AMY2B: variants seen among roughly 807,000 people sequenced by gnomAD.
The protein encoded by AMY2B is alpha-amylase 2B.
AMY2B carries 63 observed loss-of-function variants against 59.3 expected under a neutral mutation model. The ratio of observed to expected loss-of-function variants is 1.06; its 90% CI spans 0.87 to 1.31. AMY2B has a LOEUF of 1.31. AMY2B is among the 50% of genes most tolerant of loss of function. AMY2B has a pLI of 0.00. For synonymous variants in AMY2B, 180 were observed against 198.1 expected (o/e 0.91, Z 0.77); for missense variants, 635 against 626.7 (o/e 1.01, Z -0.14).
rs548153600 is a variant in AMY2B at position 103,566,269 on chromosome 1, A to T, written c.-47+675A>T. On this transcript the variant is annotated intron_variant, in intron 2 of 11. Coordinates refer to the AMY2B transcript ENST00000361355. ...TCGTAACCCTCTTAAAACTATGTTC[A>T]TATCTTTCACTTTATTGTTTGTTTT... Among the ~76,000 whole-genome samples the T allele has an allele frequency of 2.0e-5, 3 of 152,298 alleles. No individual in the cohort carries two copies. The East Asian group carries it at 5.8e-4, about 29-fold the overall frequency.
chr1:103,558,912 T>G (rs1032181379), intron 1 of AMY2B, among the ~76,000 whole-genome samples: 4 of 126,076 alleles, frequency 3.2e-5, no homozygotes, highest in East Asian at 1.9e-4. Flanking sequence ...ATGTATTGAG[T>G]TTTTTTCGTC....
chr1:103,555,625 G>T (rs1476875724), intron 1 of AMY2B, among the ~76,000 whole-genome samples: 1 of 152,074 alleles, frequency 6.6e-6, no homozygotes, highest in African/African-American at 2.4e-5. Context: ...ATGAGTTTCA[G>T]CTGTATATAC....
chr1:103,577,412 A>T lies in AMY2B; in HGVS notation c.1102-78A>T, dbSNP rs371273824. Reference sequence around the variant, plus strand: ...AATGCAGAGACACAAGTAACAGGATAGGTTGGGTTTGGTTTAAAGGAGAAG... The same window carrying T: ...AATGCAGAGACACAAGTAACAGGATTGGTTGGGTTTGGTTTAAAGGAGAAG... On this transcript the variant is annotated intron_variant, in intron 7 of 9. Transcript: ENST00000684275. 1.2e-5 allele frequency: 19 copies of T among 1,606,968 alleles called. No individual in the cohort carries two copies. The East Asian group carries it at 1.6e-4, about 13-fold the overall frequency.
chr1:103,575,541 G>GT lies in AMY2B; in HGVS notation c.1101+2dup. 1.2e-6 allele frequency: 2 copies of GT among 1,613,452 alleles called. No homozygotes were observed. Among genetic ancestry groups the GT allele is most frequent in the Non-Finnish European group, 1.7e-6 (2 of 1,179,660 alleles). On this transcript the variant is annotated splice_donor_variant, in intron 7 of 9. Coordinates refer to ENST00000684275, the MANE Select transcript of AMY2B (RefSeq NM_001387437.1). LOFTEE classifies it high-confidence loss of function. Reference sequence around the variant, plus strand: ...GCCAAGACAGTTTCAAAATGGAAACGTAAGTTTTGAAATTGTTCAAACTAT... The same window carrying GT: ...GCCAAGACAGTTTCAAAATGGAAACGTTAAGTTTTGAAATTGTTCAAACTAT...
chr1:103,562,421 C>G (rs1463262224), intron 1 of AMY2B, among the ~76,000 whole-genome samples: 1 of 152,038 alleles, frequency 6.6e-6, no homozygotes, highest in African/African-American at 2.4e-5. Context: ...AAAAGAAAAA[C>G]AGAAAACTGT....
At chr1:103,564,568 T>C (rs1651846653) in intron 1 of AMY2B, among the ~76,000 whole-genome samples, 2 of 152,178 alleles carry the variant, frequency 1.3e-5, no homozygotes, top group Admixed American at 1.3e-4. Context: ...TTATAAAGCT[T>C]GGTGACTTCA....
upstream of AMY2B, chr1:103,570,023 G>T: frequency 2.3e-6 from 1 of 435,378 alleles, no homozygotes; most frequent in South Asian, 2.0e-5. Context: ...TTTGGAGATG[G>T]GGTCACCCAC....
chr1:103,559,165 C>A (rs983822010), intron 1 of AMY2B, among the ~76,000 whole-genome samples: 31 of 152,134 alleles, frequency 2.0e-4, no homozygotes, highest in African/African-American at 7.0e-4. Flanking sequence ...AAACCTTTTG[C>A]ATGGTGAATA....
intron 1 of AMY2B, among the ~76,000 whole-genome samples, chr1:103,557,432 A>G (rs958993930): frequency 6.6e-6 from 1 of 152,052 alleles, no homozygotes; most frequent in African/African-American, 2.4e-5. Flanking sequence ...AGGTGGATCA[A>G]CGTGAGGTCA....
At chr1:103,578,129 C>T (rs554070476) in intron 9 of AMY2B, among the ~76,000 whole-genome samples, 2 of 152,158 alleles carry the variant, frequency 1.3e-5, no homozygotes, top group African/African-American at 4.8e-5. Flanking sequence ...CCTACACATG[C>T]CACAAAATAC....
Position 103,575,506 on chromosome 1 carries a change from G to A in AMY2B, c.1067G>A (p.Ser356Asn). The A allele has an allele frequency of 2.5e-6, 4 of 1,613,758 alleles. No individual in the cohort carries two copies. Among genetic ancestry groups the A allele is most frequent in the Non-Finnish European group, 3.4e-6 (4 of 1,179,772 alleles). ...HPYGFTRVMS[S>N]YRWPRQFQNG... The stretch of plus-strand genomic sequence containing the variant: ...TATGGTTTTACACGAGTAATGTCAA[G>A]CTACCGTTGGCCAAGACAGTTTCAA... The change falls in exon 7 of 10, where the codon AGC becomes AAC. Residue 356 changes from serine (S) to asparagine (N), a missense_variant. Ser to Asn is a conservative substitution (Grantham distance 46). Coordinates refer to ENST00000684275, the MANE Select transcript of AMY2B (RefSeq NM_001387437.1).
At chr1:103,566,097 C>T (rs1166080868) in intron 2 of AMY2B, among the ~76,000 whole-genome samples, 2 of 152,058 alleles carry the variant, frequency 1.3e-5, no homozygotes, top group Admixed American at 6.6e-5. Flanking sequence ...ATTTTCCTTG[C>T]TCTTCTACAT....
intron 1 of AMY2B, among the ~76,000 whole-genome samples, chr1:103,563,375 A>G (rs1651798555): frequency 6.6e-6 from 1 of 152,134 alleles, no homozygotes; most frequent in Non-Finnish European, 1.5e-5. Context: ...AGCTTCTCTA[A>G]GGATAACTCT....
At chr1:103,560,196 C>T (rs573945315) in intron 1 of AMY2B, among the ~76,000 whole-genome samples, 6 of 152,170 alleles carry the variant, frequency 3.9e-5, no homozygotes, top group African/African-American at 1.4e-4. Context: ...TGTTAAAACT[C>T]TCTCATAATT....
At chr1:103,576,942 G>C (rs544466335) in intron 7 of AMY2B, among the ~76,000 whole-genome samples, 1 of 152,272 alleles carries the variant, frequency 6.6e-6, no homozygotes, top group East Asian at 1.9e-4. Flanking sequence ...GTGATGTTAA[G>C]AAGCCCTTGC....
upstream of AMY2B, chr1:103,571,186 T>A: frequency 1.3e-6 from 1 of 796,668 alleles, no homozygotes; most frequent in Non-Finnish European, 1.6e-6. Context: ...CATGGGCTGT[T>A]ACTCGCCTTG....
rs757065720 is a variant in AMY2B, at chr1:103,575,296, C to T, written c.952C>T (p.Arg318Ter). The T allele has an allele frequency of 2.3e-5, 37 of 1,613,570 alleles. No individual in the cohort carries two copies. The highest frequency in any genetic ancestry group is 9.3e-5 in the African/African-American group (7 of 74,978). Residue 318 changes from arginine (R) to a stop codon, truncating the protein, a stop_gained, in exon 6 of 10, where the codon CGA (arginine) becomes TGA (stop). Coordinates refer to ENST00000684275, the MANE Select transcript of AMY2B (RefSeq NM_001387437.1). LOFTEE classifies it high-confidence loss of function. ...LVFVDNHDNQ[R>*]GHGAGGASIL... is the part of the protein sequence containing the mutation. Reference sequence around the variant, plus strand: ...CTTTGTGGATAACCATGACAATCAACGAGGACATGGGGCTGGAGGAGCCTC... The same window carrying T: ...CTTTGTGGATAACCATGACAATCAATGAGGACATGGGGCTGGAGGAGCCTC...
chr1:103,563,954 T>G (rs1235428915), intron 1 of AMY2B, among the ~76,000 whole-genome samples: 1 of 152,080 alleles, frequency 6.6e-6, no homozygotes. Context: ...AAGTAGAAAG[T>G]ATTAGAAGTT....
intron 1 of AMY2B, among the ~76,000 whole-genome samples, chr1:103,563,875 G>T (rs551344695): frequency 1.1e-4 from 17 of 152,192 alleles, no homozygotes; most frequent in Middle Eastern, 6.8e-3. Flanking sequence ...AAAAATTGCA[G>T]GTAGAAAATA....
Sources: allele counts gnomAD v4.1 joint callset (sites outside exome capture counted in the v4.1 genomes callset), GRCh38; gene constraint gnomAD v4.1.1; transcripts MANE v1.5; gene names NCBI Gene and HGNC (gene_info 2026-07-23, HGNC 2026-07-21).